SH2B3: variants seen among roughly 807,000 people sequenced by gnomAD.
SH2B3 encodes SH2B adaptor protein 3.
In SH2B3, 43 loss-of-function variants were observed where a neutral mutation model predicts 51.9. The observed-to-expected ratio is 0.83, with a 90% CI of 0.65 to 1.07. The LOEUF (loss-of-function observed/expected upper bound fraction) is 1.07. SH2B3 is among the 50% of genes least tolerant of loss of function. The probability of loss-of-function intolerance (pLI) is 0.00; values close to 1 mark genes in which losing one functional copy is unlikely to be tolerated. For synonymous variants in SH2B3, 396 were observed against 376.0 expected, an observed-to-expected ratio of 1.05 and a Z score of -0.62; for missense variants, 952 against 834.3, an observed-to-expected ratio of 1.14 and a Z score of -1.74.
rs992617058 is a variant in SH2B3 at position 111,434,406 on chromosome 12, T to G, written c.733-12347T>G. Among the ~76,000 whole-genome samples the G allele has an allele frequency of 2.0e-5, 3 of 152,208 alleles. 1 individual carries two copies. The highest frequency in any genetic ancestry group is 1.3e-4 in the Admixed American group (2 of 15,280). On this transcript the variant is annotated intron_variant, in intron 2 of 7. Coordinates refer to ENST00000341259, the MANE Select transcript of SH2B3 (RefSeq NM_005475.3). ...CTGTTCCTTGGTCATACACATTTCT[T>G]GTGATTTATCAGGCTATTTACTCAG...
chr12:111,425,333 A>G (rs1397634914), intron 2 of SH2B3, among the ~76,000 whole-genome samples: 4 of 152,094 alleles, frequency 2.6e-5, no homozygotes, highest in Non-Finnish European at 5.9e-5. Context: ...CTCTGGTCTC[A>G]GTGGCCACTG....
chr12:111,427,045 A>C lies in SH2B3; in HGVS notation c.732+8168A>C, dbSNP rs138396083. Among the ~76,000 whole-genome samples the C allele has an allele frequency of 4.9e-3, 751 of 152,202 alleles. 5 individuals are homozygous for C. The highest frequency in any genetic ancestry group is 0.012 in the South Asian group (56 of 4,822). ...GCACTGGTTGCCACATTTACAACCT[A>C]AAGTGGAGAGATTTCACAGAATCCA... On this transcript the variant is annotated intron_variant, in intron 2 of 7. Coordinates refer to ENST00000341259, the MANE Select transcript of SH2B3 (RefSeq NM_005475.3).
Position 111,418,346 on chromosome 12 carries a change from C to G in SH2B3, c.201C>G (p.Phe67Leu). 6.6e-7 allele frequency: 1 copy of G among 1,523,816 alleles called. No individual in the cohort carries two copies. The highest frequency in any genetic ancestry group is 8.8e-7 in the Non-Finnish European group (1 of 1,141,320). 94.4% of individuals were successfully genotyped at this position (1,523,816 alleles called of 1,614,324 possible). ...GCGCCGAGCTGGTGTCGCTGCAGTT[C>G]ACCGACCTCTTCCAGCGCTACTTCT... The part of the protein sequence containing the change: ...PLRAELVSLQ[F>L]TDLFQRYFCR... The change falls in exon 2 of 8, where the codon TTC becomes TTG. Residue 67 changes from phenylalanine to leucine, a missense_variant. Transcript: ENST00000341259. The surrounding 1 kb of genome is among the most constrained non-coding windows in gnomAD (Gnocchi z 6.7).
intron 2 of SH2B3, among the ~76,000 whole-genome samples, chr12:111,441,975 A>G (rs1292661724): frequency 6.6e-6 from 1 of 152,018 alleles, no homozygotes; most frequent in East Asian, 1.9e-4. Flanking sequence ...TCTGTCGACC[A>G]GTCTAGAGTA....
At chr12:111,441,928 G>A (rs1159771188) in intron 2 of SH2B3, among the ~76,000 whole-genome samples, 4 of 151,980 alleles carry the variant, frequency 2.6e-5, no homozygotes, top group Non-Finnish European at 5.9e-5. Flanking sequence ...TTTGGAAGAA[G>A]GCAAGGAATT....
At chr12:111,423,004 C>T (rs1871680187) in intron 2 of SH2B3, among the ~76,000 whole-genome samples, 1 of 151,950 alleles carries the variant, frequency 6.6e-6, no homozygotes, top group African/African-American at 2.4e-5. Context: ...GCCAGGAGGT[C>T]ACTTACTTTC....
rs1396653087 is a variant in SH2B3 at position 111,429,608 on chromosome 12, A to G, written c.732+10731A>G. 1.3e-5 allele frequency among the ~76,000 whole-genome samples: 2 copies of G among 152,210 alleles called. No homozygotes were observed. The highest frequency in any genetic ancestry group is 3.2e-3 in the Middle Eastern group (1 of 316). The stretch of plus-strand genomic sequence containing the variant: ...CTCGGCCTCCCAAAGTGCTAGGATT[A>G]CAGGCGTGAGCTACCGCGCCCGGCC... On this transcript the variant is annotated intron_variant, in intron 2 of 7. Coordinates refer to ENST00000341259, the MANE Select transcript of SH2B3 (RefSeq NM_005475.3). The surrounding 1 kb of genome is among the most constrained non-coding windows in gnomAD (Gnocchi z 4.4).
chr12:111,428,483 T>C (rs1872184721), intron 2 of SH2B3, among the ~76,000 whole-genome samples: 1 of 151,962 alleles, frequency 6.6e-6, no homozygotes, highest in South Asian at 2.1e-4. Flanking sequence ...TTCTGTAAAA[T>C]GGGAAGTGTC....
At chr12:111,447,626 G>T in intron 6 of SH2B3, 30 bp from the exon 7 acceptor site, 1 of 1,609,268 alleles carries the variant, frequency 6.2e-7, no homozygotes, top group Non-Finnish European at 8.5e-7. Flanking sequence ...TAGAGGGACA[G>T]CCCGAGCCCA....
intron 1 of SH2B3, among the ~76,000 whole-genome samples, chr12:111,415,739 A>C (rs1349295267): frequency 2.1e-5 from 3 of 145,904 alleles, no homozygotes; most frequent in African/African-American, 2.6e-5. Flanking sequence ...CTCCTGCCTC[A>C]CCCTCCCGAG....
intron 2 of SH2B3, among the ~76,000 whole-genome samples, chr12:111,420,367 C>CAAAA (rs59301682): frequency 4.3e-4 from 28 of 64,388 alleles, no homozygotes; most frequent in East Asian, 1.3e-3. Context: ...GACCCTGTCT[C>CAAAA]AAAAAAAAAA....
chr12:111,424,129 T>C (rs917237565), intron 2 of SH2B3, among the ~76,000 whole-genome samples: 9 of 152,028 alleles, frequency 5.9e-5, no homozygotes, highest in African/African-American at 2.2e-4. Flanking sequence ...AATAAGTGAA[T>C]ATATAAAAAA....
intron 2 of SH2B3, among the ~76,000 whole-genome samples, chr12:111,423,869 T>C (rs1871765627): frequency 6.6e-6 from 1 of 152,126 alleles, no homozygotes; most frequent in South Asian, 2.1e-4. Flanking sequence ...TCCCAGCACT[T>C]TGGGAGGCTG....
At chr12:111,405,472 A>G (rs1180992997), upstream of SH2B3, among the ~76,000 whole-genome samples, 3 of 152,212 alleles carry the variant, frequency 2.0e-5, no homozygotes, top group East Asian at 5.8e-4. The surrounding 1 kb of genome is among the most constrained non-coding windows in gnomAD (Gnocchi z 5.4). Context: ...GGAGGGAGTC[A>G]GCAAGGGCGC....
rs1871231900 is a variant in SH2B3, at chr12:111,418,249, T to C, written c.104T>C (p.Val35Ala). ...GWSEFCELHA[V>A]AAARELARQY... ...AGCGAGTTCTGTGAGTTGCACGCCG[T>C]AGCGGCGGCCCGGGAGCTGGCCCGC... Residue 35 changes from valine (V) to alanine (A), a missense_variant, in exon 2 of 8, where the codon GTA (valine) becomes GCA (alanine). Transcript: ENST00000341259. The surrounding 1 kb of genome is among the most constrained non-coding windows in gnomAD (Gnocchi z 6.7). The C allele has an allele frequency of 6.5e-7, 1 of 1,541,846 alleles. No homozygotes were observed. Among genetic ancestry groups the C allele is most frequent in the East Asian group, 2.4e-5 (1 of 40,866 alleles).
intron 2 of SH2B3, chr12:111,434,924 G>T (rs778416429): frequency 1.1e-4 from 166 of 1,535,426 alleles, no homozygotes; most frequent in Non-Finnish European, 1.4e-4. Flanking sequence ...GTGCTGTGCC[G>T]TGGCTGGAGG....
Position 111,435,768 on chromosome 12 carries a change from T to C in SH2B3, c.733-10985T>C, listed in dbSNP as rs1872817361. On this transcript the variant is annotated intron_variant, in intron 2 of 7. Coordinates refer to ENST00000341259, the MANE Select transcript of SH2B3 (RefSeq NM_005475.3). The surrounding 1 kb of genome is among the most constrained non-coding windows in gnomAD (Gnocchi z 4.8). ...GTTTGGGGCGTCCATGGCCTTGTGG[T>C]GGCGAGGCGCAGAAGGCGTCACCTG... Among the ~76,000 whole-genome samples, 1 of 152,048 alleles carries C rather than the reference T, an allele frequency of 6.6e-6. No individual in the cohort carries two copies. Among genetic ancestry groups the C allele is most frequent in the African/African-American group, 2.4e-5 (1 of 41,390 alleles).
chr12:111,434,236 T>C (rs1012678209), intron 2 of SH2B3, among the ~76,000 whole-genome samples: 4 of 152,208 alleles, frequency 2.6e-5, no homozygotes, highest in African/African-American at 9.7e-5. Context: ...ATTTAAACAA[T>C]TGTGCAATGA....
At chr12:111,411,207 A>T (rs2135534718) in intron 1 of SH2B3, among the ~76,000 whole-genome samples, 1 of 151,542 alleles carries the variant, frequency 6.6e-6, no homozygotes. Flanking sequence ...CTCTACCAAA[A>T]AAAAAAAAAA....
Sources: allele counts gnomAD v4.1 joint callset (sites outside exome capture counted in the v4.1 genomes callset), GRCh38; gene constraint gnomAD v4.1.1; non-coding constraint Gnocchi (gnomAD v3.1); transcripts MANE v1.5; gene names NCBI Gene and HGNC (gene_info 2026-07-23, HGNC 2026-07-21).